The following BNC2 variants were observed in gnomAD, a reference collection of about 807,000 sequenced individuals.
BNC2 encodes the protein basonuclin zinc finger protein 2.
A neutral mutation model predicts 76.3 loss-of-function variants in BNC2; 20 were observed. That is an observed-to-expected ratio of 0.26 (90% CI 0.18 to 0.38). The LOEUF (loss-of-function observed/expected upper bound fraction) is 0.38. BNC2 is among the 10% of genes least tolerant of loss of function. BNC2 has a pLI of 1.00. For synonymous variants in BNC2, 582 were observed against 514.8 expected (o/e 1.13, Z -1.77); for missense variants, 1,382 against 1,399.8 (o/e 0.99, Z 0.20).
intron 5 of BNC2, among the ~76,000 whole-genome samples, chr9:16,513,167 A>G (rs1428634288): frequency 1.3e-5 from 2 of 152,108 alleles, no homozygotes; most frequent in South Asian, 2.1e-4. Flanking sequence ...AAAACATAAT[A>G]ATGAAATAAA....
intron 1 of BNC2, among the ~76,000 whole-genome samples, chr9:16,825,215 C>A (rs1156498517): frequency 6.6e-6 from 1 of 152,152 alleles, no homozygotes. Context: ...CCTAGAGATG[C>A]TGAGCTGAAA....
Position 16,437,360 on chromosome 9 carries a change from T to C in BNC2, c.834A>G (p.Thr278=). The C allele has an allele frequency of 6.2e-7, 1 of 1,614,032 alleles. No homozygotes were observed. The highest frequency in any genetic ancestry group is 1.1e-5 in the South Asian group (1 of 91,080). Residue 278 remains threonine, a synonymous_variant, in exon 6 of 7, where the codon ACA becomes ACG. Transcript: ENST00000380672. ...CAATGAAAGTCCTTATATCTGAGTC[T>C]GTCTTTGAAGATGGTACAGCCACGG... The part of the protein sequence containing the change: ...GQAVAVPSSK[T]DSDIRTFIES...
intron 3 of BNC2, among the ~76,000 whole-genome samples, chr9:16,702,606 C>G (rs1823546905): frequency 7.2e-6 from 1 of 138,276 alleles, no homozygotes; most frequent in Non-Finnish European, 1.6e-5. Context: ...AAATGAAGAA[C>G]CTAAAACATT....
At chr9:16,748,017 G>GA (rs34637050) in intron 1 of BNC2, among the ~76,000 whole-genome samples, 2 of 151,762 alleles carry the variant, frequency 1.3e-5, no homozygotes, top group Admixed American at 6.6e-5. Context: ...AAGAAGAATG[G>GA]AAAAAAAAAC....
chr9:16,829,705 T>G (rs910676410), intron 1 of BNC2, among the ~76,000 whole-genome samples: 2 of 152,118 alleles, frequency 1.3e-5, no homozygotes, highest in African/African-American at 4.8e-5. Context: ...TTGTTAAATA[T>G]TTGCTGATCA....
intron 1 of BNC2, among the ~76,000 whole-genome samples, chr9:16,852,397 C>A (rs1011402108): frequency 2.6e-5 from 4 of 152,142 alleles, no homozygotes; most frequent in African/African-American, 9.7e-5. Flanking sequence ...GCAGCAGATG[C>A]CAAAGAACTC....
intron 5 of BNC2, among the ~76,000 whole-genome samples, chr9:16,508,981 T>C (rs1358329122): frequency 1.3e-5 from 2 of 151,958 alleles, no homozygotes; most frequent in African/African-American, 2.4e-5. Flanking sequence ...CTATCACACC[T>C]GGCTGTTTTT....
At chr9:16,583,986 A>G (rs1204317688) in intron 3 of BNC2, among the ~76,000 whole-genome samples, 1 of 152,226 alleles carries the variant, frequency 6.6e-6, no homozygotes, top group Non-Finnish European at 1.5e-5. Flanking sequence ...ACCTATGTTT[A>G]AGAATAGTGC....
intron 3 of BNC2, among the ~76,000 whole-genome samples, chr9:16,648,987 G>A (rs1161209254): frequency 6.6e-6 from 1 of 152,132 alleles, no homozygotes; most frequent in Non-Finnish European, 1.5e-5. Context: ...ATAGCATAAC[G>A]ACTTAGTCGC....
chr9:16,418,737 A>T lies in BNC2; in HGVS notation c.*252T>A. On this transcript the variant is annotated 3_prime_UTR_variant, in exon 7 of 7. Transcript: ENST00000380672. ...GTGTTTAAAGGGGTACTCTGTTTTC[A>T]CCCTGAAATCAAAGATCCCACTCCT... 2.1e-6 allele frequency: 1 copy of T among 487,360 alleles called. No homozygotes were observed. The highest frequency in any genetic ancestry group is 3.3e-5 in the Admixed American group (1 of 30,008). The allele number at this position is 487,360 out of a possible 1,614,324, so 30.2% of individuals were successfully genotyped here. A position where few individuals can be genotyped will look rare whatever the true frequency, so the allele number is the denominator to read the frequency against.
chr9:16,482,882 G>C (rs533530783), intron 5 of BNC2, among the ~76,000 whole-genome samples: 3 of 152,266 alleles, frequency 2.0e-5, no homozygotes, highest in African/African-American at 7.2e-5. Flanking sequence ...CAAAGGTCCG[G>C]GGCTTTCCGT....
chr9:16,685,459 G>A (rs757093294), intron 3 of BNC2: 2 of 754,090 alleles, frequency 2.7e-6, no homozygotes, highest in South Asian at 2.9e-5. Context: ...GTCTTTTCCT[G>A]ATGACGCTGA....
At chr9:16,584,613 T>C (rs1182996106) in intron 3 of BNC2, among the ~76,000 whole-genome samples, 5 of 152,172 alleles carry the variant, frequency 3.3e-5, no homozygotes, top group Admixed American at 6.5e-5. Context: ...CTTCCAAACA[T>C]GGTCCAATTG....
intron 1 of BNC2, among the ~76,000 whole-genome samples, chr9:16,834,139 C>T (rs1224178414): frequency 6.6e-6 from 1 of 151,864 alleles, no homozygotes; most frequent in Non-Finnish European, 1.5e-5. Context: ...AATATTCTAT[C>T]TGAAAAATGA....
At chr9:16,667,455 G>C (rs1263988151) in intron 3 of BNC2, among the ~76,000 whole-genome samples, 4 of 152,204 alleles carry the variant, frequency 2.6e-5, no homozygotes, top group Admixed American at 1.3e-4. Context: ...AAAATTAACA[G>C]TGGGACTCTC....
chr9:16,584,832 G>T (rs1563850645), intron 3 of BNC2, among the ~76,000 whole-genome samples: 1 of 152,046 alleles, frequency 6.6e-6, no homozygotes, highest in Non-Finnish European at 1.5e-5. Flanking sequence ...AATAAAAAGA[G>T]CTTAGAGGAC....
intron 3 of BNC2, among the ~76,000 whole-genome samples, chr9:16,705,418 G>A (rs1823638424): frequency 6.6e-6 from 1 of 152,116 alleles, no homozygotes; most frequent in African/African-American, 2.4e-5. Context: ...GCCTTATCCA[G>A]CAACACCCTG....
intron 3 of BNC2, among the ~76,000 whole-genome samples, chr9:16,589,183 A>T (rs1819853467): frequency 1.3e-5 from 2 of 152,114 alleles, no homozygotes; most frequent in Non-Finnish European, 2.9e-5. Flanking sequence ...AACTAAAAAA[A>T]AAAATTTTGT....
intron 3 of BNC2, among the ~76,000 whole-genome samples, chr9:16,651,397 A>G (rs1821791062): frequency 6.6e-6 from 1 of 152,206 alleles, no homozygotes; most frequent in African/African-American, 2.4e-5. Flanking sequence ...ACTCTGACAG[A>G]TTCTAAATGC....
Sources: allele counts gnomAD v4.1 joint callset (sites outside exome capture counted in the v4.1 genomes callset), GRCh38; gene constraint gnomAD v4.1.1; transcripts MANE v1.5; gene names NCBI Gene and HGNC (gene_info 2026-07-23, HGNC 2026-07-21).